The following TET2 variants were observed in gnomAD, a reference collection of about 807,000 sequenced individuals.
TET2 encodes tet methylcytosine dioxygenase 2.
In TET2, 299 loss-of-function variants were observed where a neutral mutation model predicts 142.9. The ratio of observed to expected loss-of-function variants is 2.09; its 90% CI spans 1.90 to 2.30. TET2 has a LOEUF of 2.30. Ranked by LOEUF, TET2 falls within the 30% of genes most tolerant of loss-of-function variation. The probability of loss-of-function intolerance (pLI) is 0.00; values close to 1 mark genes in which losing one functional copy is unlikely to be tolerated. For missense variants in TET2, 2,418 were observed against 2,378.0 expected, an observed-to-expected ratio of 1.02 and a Z score of -0.35; for synonymous variants, 819 against 849.0, an observed-to-expected ratio of 0.96 and a Z score of 0.61.
intron 6 of TET2, among the ~76,000 whole-genome samples, chr4:105,250,625 A>G (rs1729825154): frequency 6.6e-6 from 1 of 152,066 alleles, no homozygotes; most frequent in South Asian, 2.1e-4. Flanking sequence ...TTATGAACAC[A>G]GGCTATTTTT....
rs535917760 is a variant in TET2, at chr4:105,218,515, T to C, written c.-46-15382T>C. Among the ~76,000 whole-genome samples the C allele has an allele frequency of 1.4e-3, 214 of 152,258 alleles. 1 individual carries two copies. The highest frequency in any genetic ancestry group is 4.7e-3 in the African/African-American group (194 of 41,572). ...CGAAAGTGGTCTTCGTGATGAGTTATTTAATTGAAGCCCCAGTAGATATTT... is the reference window on the plus strand; with the variant it reads ...CGAAAGTGGTCTTCGTGATGAGTTACTTAATTGAAGCCCCAGTAGATATTT... On this transcript the variant is annotated intron_variant, in intron 2 of 10. Coordinates refer to ENST00000380013, the MANE Select transcript of TET2 (RefSeq NM_001127208.3).
intron 8 of TET2, among the ~76,000 whole-genome samples, chr4:105,262,672 A>G (rs1035998545): frequency 6.6e-5 from 10 of 152,080 alleles, no homozygotes; most frequent in Admixed American, 5.9e-4. Flanking sequence ...ACCTGAGGTC[A>G]GGAGTTCTAG....
Position 105,276,535 on chromosome 4 carries a change from T to G in TET2, c.*16T>G, listed in dbSNP as rs1432156704. 4.5e-5 allele frequency: 70 copies of G among 1,541,574 alleles called. No individual in the cohort carries two copies. Among genetic ancestry groups the G allele is most frequent in the Non-Finnish European group, 6.0e-5 (69 of 1,140,968 alleles). On this transcript the variant is annotated 3_prime_UTR_variant, in exon 11 of 11. Transcript: ENST00000380013. ...ATATATATGATATCACCCCCTTTTG[T>G]TGGTTACCTCACTTGAAAAGACCAC...
chr4:105,166,649 T>G (rs1021780586), intron 1 of TET2, among the ~76,000 whole-genome samples: 1 of 152,040 alleles, frequency 6.6e-6, no homozygotes, highest in African/African-American at 2.4e-5. Flanking sequence ...TTACAAATAT[T>G]GTGCTGAGTC....
chr4:105,187,442 A>G lies in TET2; in HGVS notation c.-192-2918A>G, dbSNP rs1476968326. Among the ~76,000 whole-genome samples the G allele has an allele frequency of 3.9e-5, 6 of 152,106 alleles. No homozygotes were observed. The East Asian group carries it at 9.6e-4, about 24-fold the overall frequency. On this transcript the variant is annotated intron_variant, in intron 1 of 10. Transcript: ENST00000380013. ...AAAATGAAATAGCCTATTGACTCCA[A>G]CCCTGACCTCCTGTACTTCACCTGC...
intron 2 of TET2, among the ~76,000 whole-genome samples, chr4:105,233,133 C>T (rs967309674): frequency 6.6e-6 from 1 of 151,836 alleles, no homozygotes; most frequent in African/African-American, 2.4e-5. Context: ...CCTGTAATCC[C>T]AGCACTTTGG....
At chr4:105,161,997 G>A (rs1162061031) in intron 1 of TET2, among the ~76,000 whole-genome samples, 3 of 152,168 alleles carry the variant, frequency 2.0e-5, no homozygotes, top group Non-Finnish European at 4.4e-5. Flanking sequence ...TGGTTAAATA[G>A]ACTATAGTAA....
At chr4:105,203,513 A>G (rs1408571667) in intron 2 of TET2, among the ~76,000 whole-genome samples, 3 of 151,816 alleles carry the variant, frequency 2.0e-5, no homozygotes, top group Non-Finnish European at 4.4e-5. Flanking sequence ...TACATTACAC[A>G]GAAGGGAGTG....
intron 1 of TET2, among the ~76,000 whole-genome samples, chr4:105,153,735 T>A (rs1416431274): frequency 1.3e-5 from 2 of 152,214 alleles, no homozygotes; most frequent in African/African-American, 2.4e-5. Flanking sequence ...AATCTTTTAA[T>A]CACTATATTA....
intron 5 of TET2, 27 bp downstream of exon 5, chr4:105,242,954 G>T (rs891436925): frequency 2.0e-6 from 3 of 1,531,616 alleles, no homozygotes; most frequent in African/African-American, 2.8e-5. Context: ...AAAGCCTTTG[G>T]TCTTAAATCT....
At chr4:105,256,917 T>C (rs567516954) in intron 6 of TET2, among the ~76,000 whole-genome samples, 3 of 152,342 alleles carry the variant, frequency 2.0e-5, no homozygotes, top group African/African-American at 7.2e-5. Context: ...TATTTAATAA[T>C]ATCTTTTTCT....
intron 9 of TET2, among the ~76,000 whole-genome samples, chr4:105,272,157 C>A (rs759191029): frequency 2.0e-5 from 3 of 152,152 alleles, no homozygotes; most frequent in Non-Finnish European, 2.9e-5. Flanking sequence ...CAGAGGAAGT[C>A]ATTTCGTAGA....
chr4:105,272,941 G>A, intron 10 of TET2, 23 bp downstream of exon 10: 2 of 1,482,966 alleles, frequency 1.3e-6, no homozygotes, highest in Non-Finnish European at 1.8e-6. Context: ...TAAAGCATTT[G>A]TAGATAAATG....
At chr4:105,182,865 C>A (rs1055852303) in intron 1 of TET2, among the ~76,000 whole-genome samples, 3 of 152,012 alleles carry the variant, frequency 2.0e-5, no homozygotes, top group African/African-American at 7.2e-5. Context: ...AATGTAATGT[C>A]TTTAAACCTT....
At chr4:105,153,646 A>G (rs1723423061) in intron 1 of TET2, among the ~76,000 whole-genome samples, 2 of 152,348 alleles carry the variant, frequency 1.3e-5, no homozygotes, top group South Asian at 4.1e-4. Context: ...GAGGTTAAAT[A>G]ACTTCCTTAA....
chr4:105,221,699 C>CT (rs200287976), intron 2 of TET2, among the ~76,000 whole-genome samples: 5 of 151,002 alleles, frequency 3.3e-5, no homozygotes, highest in East Asian at 3.9e-4. Context: ...AGTCCTTTTT[C>CT]TTTTTTTTTA....
rs1228107144 is a variant in TET2 at position 105,236,088 on chromosome 4, TCA to T, written c.2150_2151del (p.His717ProfsTer5). 1.2e-6 allele frequency: 2 copies of T among 1,613,990 alleles called. No homozygotes were observed. The highest frequency in any genetic ancestry group is 1.7e-6 in the Non-Finnish European group (2 of 1,180,020). On this transcript the variant is annotated frameshift_variant, in exon 3 of 11. Coordinates refer to ENST00000380013, the MANE Select transcript of TET2 (RefSeq NM_001127208.3). LOFTEE classifies it high-confidence loss of function. ...TTCAGAGACTGAGCCATTTTCAAAC[TCA>T]CACCTTTTGCAACATAAGCCTCATA... ...QASETEPFSNSHLLQHKPHKQ... is the reference protein window; with the variant it reads ...QASETEPFSNXHLLQHKPHKQ...
chr4:105,162,991 T>C (rs1218119112), intron 1 of TET2, among the ~76,000 whole-genome samples: 1 of 152,170 alleles, frequency 6.6e-6, no homozygotes, highest in Non-Finnish European at 1.5e-5. Context: ...CCAGCAGCTG[T>C]GCTTAGCATG....
In TET2 at chr4:105,235,887, CA is replaced by C; in HGVS notation, c.1947del (p.Gln649HisfsTer51). The stretch of plus-strand genomic sequence containing the variant: ...AGGGCAGTCCCAAGGTACAGTGGAC[CA>C]ACATCTCCAGTTCCAAAAACCCTCA... ...NQGQSQGTVD[Q>X]HLQFQKPSHQ... On this transcript the variant is annotated frameshift_variant, in exon 3 of 11. Coordinates refer to ENST00000380013, the MANE Select transcript of TET2 (RefSeq NM_001127208.3). LOFTEE classifies it high-confidence loss of function. The C allele has an allele frequency of 6.2e-7, 1 of 1,614,004 alleles. No individual in the cohort carries two copies. The highest frequency in any genetic ancestry group is 8.5e-7 in the Non-Finnish European group (1 of 1,179,994).
Sources: allele counts gnomAD v4.1 joint callset (sites outside exome capture counted in the v4.1 genomes callset), GRCh38; gene constraint gnomAD v4.1.1; transcripts MANE v1.5; gene names NCBI Gene and HGNC (gene_info 2026-07-23, HGNC 2026-07-21).